The following EAPP variants were observed in gnomAD, a reference collection of about 807,000 sequenced individuals.
EAPP encodes the protein E2F-associated phosphoprotein.
In EAPP, 38 loss-of-function variants were observed where a neutral mutation model predicts 34.3. That is an observed-to-expected ratio of 1.11 (90% CI 0.85 to 1.45). EAPP has a LOEUF of 1.45. Ranked by LOEUF, EAPP falls within the 40% of genes most tolerant of loss-of-function variation. The pLI, the probability that EAPP is intolerant of heterozygous loss-of-function variation, is 0.00. For synonymous variants in EAPP, 113 were observed against 117.6 expected (o/e 0.96, Z 0.25); for missense variants, 338 against 343.7 (o/e 0.98, Z 0.13).
chr14:34,521,328 C>A (rs2138886140), intron 5 of EAPP, among the ~76,000 whole-genome samples: 1 of 152,256 alleles, frequency 6.6e-6, no homozygotes, highest in East Asian at 1.9e-4. Flanking sequence ...ACCTCCGCCT[C>A]CCAGAGTGCT....
chr14:34,529,166 A>T (rs28647865), intron 4 of EAPP, among the ~76,000 whole-genome samples, 192 bp downstream of exon 4: 51,775 of 151,604 alleles, frequency 0.34, 9,098 homozygotes, highest in Non-Finnish European at 0.39. Flanking sequence ...AAAAAATTTT[A>T]AAAAAAAGTC....
rs1279448152 is a variant in EAPP at position 34,527,221 on chromosome 14, A to T, written c.470+2137T>A. On this transcript the variant is annotated intron_variant, in intron 4 of 5. Transcript: ENST00000250454. ...CACAATGGCTCACACCTGTAATGCC[A>T]GCACAGGAGGTGAAGACAGGAGGAT... is the stretch of plus-strand genomic sequence containing the variant. 3.3e-5 allele frequency among the ~76,000 whole-genome samples: 5 copies of T among 150,826 alleles called. No homozygotes were observed. The East Asian group carries it at 9.8e-4, about 30-fold the overall frequency.
At chr14:34,532,817 G>A (rs751815937) in intron 3 of EAPP, among the ~76,000 whole-genome samples, 1 of 151,758 alleles carries the variant, frequency 6.6e-6, no homozygotes, top group Admixed American at 6.6e-5. Flanking sequence ...CGGGATTACA[G>A]GTGCATGGCA....
chr14:34,533,881 T>C (rs1052623429), intron 2 of EAPP, among the ~76,000 whole-genome samples: 1 of 152,070 alleles, frequency 6.6e-6, no homozygotes, highest in African/African-American at 2.4e-5. Context: ...AACATTTTGT[T>C]CTAAGAAACA....
intron 2 of EAPP, chr14:34,535,769 T>C (rs1880452728): frequency 9.8e-6 from 2 of 204,760 alleles, no homozygotes; most frequent in South Asian, 1.9e-4. Flanking sequence ...CAGTGGTACA[T>C]GCCTGTAATC....
intron 2 of EAPP, among the ~76,000 whole-genome samples, chr14:34,534,929 T>C (rs1396789082): frequency 1.3e-5 from 2 of 151,186 alleles, no homozygotes; most frequent in Admixed American, 6.6e-5. Context: ...AACCTCTGCC[T>C]CCCGGGTTTA....
intron 5 of EAPP, among the ~76,000 whole-genome samples, chr14:34,520,350 C>T (rs2138884927): frequency 6.7e-6 from 1 of 150,364 alleles, no homozygotes; most frequent in South Asian, 2.1e-4. Context: ...GCTGGGATTA[C>T]AGGCACGCGC....
chr14:34,533,170 G>C (rs1189239051), intron 3 of EAPP, among the ~76,000 whole-genome samples: 1 of 152,110 alleles, frequency 6.6e-6, no homozygotes, highest in Non-Finnish European at 1.5e-5. Context: ...AAGTAGCTGG[G>C]ACTACAGGCG....
intron 5 of EAPP, among the ~76,000 whole-genome samples, chr14:34,521,811 T>A (rs1319519371): frequency 2.0e-5 from 3 of 151,974 alleles, no homozygotes; most frequent in South Asian, 4.1e-4. Flanking sequence ...ATTTTTTGTA[T>A]TTTTAGTAGA....
chr14:34,535,250 C>T (rs1389681504), intron 2 of EAPP, among the ~76,000 whole-genome samples: 2 of 151,770 alleles, frequency 1.3e-5, no homozygotes, highest in Non-Finnish European at 2.9e-5. Context: ...CTGCCTCGGC[C>T]TCCCAAGTAG....
intron 5 of EAPP, among the ~76,000 whole-genome samples, chr14:34,521,619 C>T (rs1879921988): frequency 6.7e-6 from 1 of 148,708 alleles, no homozygotes; most frequent in Non-Finnish European, 1.5e-5. Flanking sequence ...ATATATTTCT[C>T]AGAGTTCCCA....
At chr14:34,529,547 C>CAT in intron 3 of EAPP, 72 bp from the exon 4 acceptor site, 1 of 1,108,266 alleles carries the variant, frequency 9.0e-7, no homozygotes, top group Non-Finnish European at 1.3e-6. Flanking sequence ...TGAAGAGTCT[C>CAT]ATTTCCCAAG....
intron 1 of EAPP, chr14:34,539,349 C>G (rs1386453536): frequency 2.8e-6 from 2 of 702,082 alleles, no homozygotes; most frequent in Non-Finnish European, 5.2e-6. Flanking sequence ...CGGAATATCC[C>G]TCTTCCTACA....
At chr14:34,529,643 G>C (rs1217844037) in intron 3 of EAPP, among the ~76,000 whole-genome samples, 168 bp from the exon 4 acceptor site, 1 of 152,006 alleles carries the variant, frequency 6.6e-6, no homozygotes, top group Non-Finnish European at 1.5e-5. Flanking sequence ...ACTTTGGGAG[G>C]CCAAGGTGGG....
Position 34,536,277 on chromosome 14 carries a change from T to G in EAPP, c.75-2A>C, listed in dbSNP as rs1880471194. On this transcript the variant is annotated splice_acceptor_variant, in intron 1 of 5. Coordinates refer to ENST00000250454, the MANE Select transcript of EAPP (RefSeq NM_018453.4). LOFTEE classifies it high-confidence loss of function. ...AGCACATCCACTTCATCCTCAGAGC[T>G]AGCATACATTTAAATCAAAAAGAAT... is the stretch of plus-strand genomic sequence containing the variant. 1 of 1,580,240 alleles carries G rather than the reference T, an allele frequency of 6.3e-7. No homozygotes were observed. Among genetic ancestry groups the G allele is most frequent in the Admixed American group, 2.0e-5 (1 of 50,848 alleles).
At chr14:34,518,613 G>A (rs954816621) in intron 5 of EAPP, among the ~76,000 whole-genome samples, 1 of 152,136 alleles carries the variant, frequency 6.6e-6, no homozygotes, top group African/African-American at 2.4e-5. Context: ...TTACAGGCGT[G>A]AGCCACTGCG....
At chr14:34,529,525 C>T (rs1371560343) in intron 3 of EAPP, 50 bp from the exon 4 acceptor site, 2 of 1,268,338 alleles carry the variant, frequency 1.6e-6, no homozygotes, top group South Asian at 2.5e-5. Context: ...GTCAAGTTCA[C>T]ACTTCTTTAA....
At position 34,532,332 on chromosome 14, in the gene EAPP, G is replaced by A. The variant is rs147316768; in HGVS notation, c.352+1112C>T. ...AAATTAGCCAGGCATGGCGACAGGC[G>A]TCTGTAAACCCAGCTACTCAAGAGG... On this transcript the variant is annotated intron_variant, in intron 3 of 5. Transcript: ENST00000250454. 5.4e-3 allele frequency among the ~76,000 whole-genome samples: 813 copies of A among 151,920 alleles called. 8 individuals are homozygous for A. The highest frequency in any genetic ancestry group is 0.024 in the Middle Eastern group (7 of 292).
chr14:34,532,759 C>T (rs1324430684), intron 3 of EAPP, among the ~76,000 whole-genome samples: 2 of 150,880 alleles, frequency 1.3e-5, no homozygotes, highest in African/African-American at 4.9e-5. Context: ...ACTGCAACCT[C>T]TACCTCCCTG....
Sources: gnomAD v4.1 joint callset for allele counts (sites outside exome capture counted in the v4.1 genomes callset) on GRCh38, gnomAD v4.1.1 for gene constraint, MANE v1.5 for transcripts, NCBI Gene and HGNC (gene_info 2026-07-23, HGNC 2026-07-21) for gene names.